Variants in TBCK observed in about 807,000 individuals in gnomAD.
The protein encoded by TBCK is TBC1 domain containing kinase, also known as TBC domain-containing protein kinase-like protein.
TBCK carries 99 observed loss-of-function variants against 113.4 expected under a neutral mutation model. That is an observed-to-expected ratio of 0.87 (90% confidence interval 0.74 to 1.03). The LOEUF (loss-of-function observed/expected upper bound fraction) is 1.03, where lower values mean the gene tolerates loss of function less well. Ranked by LOEUF, TBCK falls within the 50% of genes least tolerant of loss-of-function variation. The pLI, the probability that TBCK is intolerant of heterozygous loss-of-function variation, is 0.00. For missense variants in TBCK, 1,045 were observed against 1,061.3 expected, an observed-to-expected ratio of 0.98 and a Z score of 0.21; for synonymous variants, 369 against 370.8, an observed-to-expected ratio of 1.00 and a Z score of 0.05.
chr4:106,195,486 GTGTGTT>G (rs1363863200), intron 20 of TBCK, among the ~76,000 whole-genome samples: 10 of 151,120 alleles, frequency 6.6e-5, no homozygotes, highest in South Asian at 4.2e-4. Context: ...GGTTAAATGT[GTGTGTT>G]TGTGTGTGTG....
intron 24 of TBCK, among the ~76,000 whole-genome samples, chr4:106,107,371 G>A (rs971980577): frequency 3.3e-5 from 5 of 151,962 alleles, no homozygotes; most frequent in African/African-American, 1.2e-4. Context: ...CTCTAAAATC[G>A]ACCACATAAC....
intron 23 of TBCK, among the ~76,000 whole-genome samples, chr4:106,119,896 G>T (rs576618753): frequency 6.6e-6 from 1 of 150,470 alleles, no homozygotes; most frequent in Non-Finnish European, 1.5e-5. Context: ...AAGGTACATG[G>T]AAAAAAAAAT....
chr4:106,203,689 A>C (rs943757171), intron 20 of TBCK, among the ~76,000 whole-genome samples: 1 of 152,048 alleles, frequency 6.6e-6, no homozygotes, highest in African/African-American at 2.4e-5. Flanking sequence ...TGGTTCTGAG[A>C]TCTACATTAT....
At chr4:106,056,496 ACCT>A (rs1216605529) in intron 25 of TBCK, among the ~76,000 whole-genome samples, 2 of 150,932 alleles carry the variant, frequency 1.3e-5, no homozygotes, top group Non-Finnish European at 3.0e-5. Flanking sequence ...TATATTTTAA[ACCT>A]CCTTTGTCTG....
intron 23 of TBCK, among the ~76,000 whole-genome samples, chr4:106,168,473 T>C (rs1221043427): frequency 1.3e-5 from 2 of 151,962 alleles, no homozygotes; most frequent in African/African-American, 4.8e-5. Flanking sequence ...TTTAACATTA[T>C]ATTAGATGTT....
chr4:106,155,589 G>T (rs1749027643), intron 23 of TBCK, among the ~76,000 whole-genome samples: 1 of 151,604 alleles, frequency 6.6e-6, no homozygotes, highest in African/African-American at 2.4e-5. Flanking sequence ...TTTCTCTTTT[G>T]TCTCCTCTGA....
chr4:106,095,336 T>C, intron 25 of TBCK, 146 bp downstream of exon 25: 2 of 633,684 alleles, frequency 3.2e-6, no homozygotes, highest in Non-Finnish European at 4.8e-6. Context: ...GCAGACAAAC[T>C]CTTCCATATA....
At chr4:106,236,095 TTC>T (rs770193174) in intron 14 of TBCK, among the ~76,000 whole-genome samples, 4 of 151,990 alleles carry the variant, frequency 2.6e-5, no homozygotes, top group Non-Finnish European at 2.9e-5. Flanking sequence ...CTCTATCCAT[TTC>T]TCTGTTTCAA....
intron 20 of TBCK, among the ~76,000 whole-genome samples, chr4:106,200,311 C>T (rs1022197521): frequency 6.6e-6 from 1 of 152,094 alleles, no homozygotes; most frequent in African/African-American, 2.4e-5. Flanking sequence ...GAGGCCAAAG[C>T]GGGAGGACTG....
chr4:106,117,669 T>C (rs1743697296), intron 23 of TBCK, among the ~76,000 whole-genome samples: 1 of 152,210 alleles, frequency 6.6e-6, no homozygotes, highest in African/African-American at 2.4e-5. Flanking sequence ...ATAAATTTAT[T>C]GAGCACTAGT....
chr4:106,102,970 G>A (rs1012972582), intron 24 of TBCK, among the ~76,000 whole-genome samples: 9 of 152,162 alleles, frequency 5.9e-5, no homozygotes, highest in Middle Eastern at 3.4e-3. Context: ...CTTTAATTGC[G>A]AAGATTTACC....
chr4:106,150,774 A>G (rs949944103), intron 23 of TBCK, among the ~76,000 whole-genome samples: 5 of 152,134 alleles, frequency 3.3e-5, no homozygotes, highest in Admixed American at 2.6e-4. Context: ...AAGTAGAAAG[A>G]GCTAGCATAG....
Position 106,235,208 on chromosome 4 carries a change from C to G in TBCK, c.1449+61G>C, listed in dbSNP as rs7668276. ...GAAAAATATATATTTGGAAAGCACT[C>G]TCCTTCTCCATCCTTTCTTTGCATA... On this transcript the variant is annotated intron_variant, in intron 15 of 25. Coordinates refer to ENST00000394708, the MANE Select transcript of TBCK (RefSeq NM_001163435.3). The G allele has an allele frequency of 0.63, 677,220 of 1,066,900 alleles. 217,090 individuals are homozygous for G. Among genetic ancestry groups the G allele is most frequent in the Non-Finnish European group, 0.65 (490,815 of 751,978 alleles). The allele number at this position is 1,066,900 out of a possible 1,614,324, so 66.1% of individuals were successfully genotyped here.
chr4:106,196,334 C>T (rs1025260968), intron 20 of TBCK, among the ~76,000 whole-genome samples: 2 of 151,700 alleles, frequency 1.3e-5, no homozygotes, highest in Admixed American at 1.3e-4. Context: ...CAAAAATCAA[C>T]AATAATTTAC....
intron 3 of TBCK, among the ~76,000 whole-genome samples, chr4:106,275,245 CCCTT>C (rs1763903121): frequency 6.6e-6 from 1 of 152,098 alleles, no homozygotes; most frequent in African/African-American, 2.4e-5. Context: ...ATTTTAAAAA[CCCTT>C]AGCCAATTAG....
intron 23 of TBCK, among the ~76,000 whole-genome samples, chr4:106,155,226 G>A (rs553494531): frequency 1.8e-4 from 27 of 151,496 alleles, no homozygotes; most frequent in South Asian, 6.3e-4. Flanking sequence ...GTCTGCTGCC[G>A]GACATATAAG....
At chr4:106,054,746 T>G (rs1375196086) in intron 25 of TBCK, among the ~76,000 whole-genome samples, 2 of 151,704 alleles carry the variant, frequency 1.3e-5, no homozygotes, top group African/African-American at 4.8e-5. Context: ...TCAGGCACTA[T>G]GCTAGGGACT....
intron 25 of TBCK, among the ~76,000 whole-genome samples, chr4:106,081,598 T>C (rs1306407457): frequency 6.6e-6 from 1 of 152,158 alleles, no homozygotes; most frequent in Non-Finnish European, 1.5e-5. Flanking sequence ...GATTGATCTA[T>C]GCAGGAAACA....
intron 24 of TBCK, 122 bp downstream of exon 24, chr4:106,116,080 AT>A: frequency 1.1e-6 from 1 of 883,926 alleles, no homozygotes; most frequent in Non-Finnish European, 1.7e-6. Flanking sequence ...TTTGAGAGTA[AT>A]TTAACTACTT....
Sources: gnomAD v4.1 joint callset for allele counts (sites outside exome capture counted in the v4.1 genomes callset) on GRCh38, gnomAD v4.1.1 for gene constraint, MANE v1.5 for transcripts, NCBI Gene and HGNC (gene_info 2026-07-23, HGNC 2026-07-21) for gene names.